Variants in PODN observed in about 807,000 individuals in gnomAD.
PODN encodes podocan, also known as podocan proteoglycan.
PODN carries 40 observed loss-of-function variants against 52.7 expected under a neutral mutation model. That is an observed-to-expected ratio of 0.76 (90% confidence interval 0.59 to 0.99). The LOEUF (loss-of-function observed/expected upper bound fraction) is 0.99. Ranked by LOEUF, PODN falls within the 50% of genes least tolerant of loss-of-function variation. The pLI, the probability that PODN is intolerant of heterozygous loss-of-function variation, is 0.00. For missense variants in PODN, 720 were observed against 815.1 expected, an observed-to-expected ratio of 0.88 and a Z score of 1.42; for synonymous variants, 396 against 377.9, an observed-to-expected ratio of 1.05 and a Z score of -0.56.
intron 4 of PODN, among the ~76,000 whole-genome samples, chr1:53,075,191 G>A (rs1164486580): frequency 6.6e-6 from 1 of 152,196 alleles, no homozygotes; most frequent in Non-Finnish European, 1.5e-5. Flanking sequence ...ATGTCCAGTG[G>A]TTGTCTCCAA....
In PODN at chr1:53,069,969, G is replaced by A. The variant is rs1225657479; in HGVS notation, c.114G>A (p.Leu38=). 6.2e-7 allele frequency: 1 copy of A among 1,606,642 alleles called. No homozygotes were observed. The highest frequency in any genetic ancestry group is 8.5e-7 in the Non-Finnish European group (1 of 1,177,108). Residue 38 remains leucine (L), a synonymous_variant, in exon 2 of 11, where the codon CTG becomes CTA. Coordinates refer to ENST00000312553, the MANE Select transcript of PODN (RefSeq NM_153703.5). ...TTGGCCGAAGTGGCGGCCACAGCCT[G>A]AGCCCCGAAGAGAACGAATTTGCGG... is the stretch of plus-strand genomic sequence containing the variant. The part of the protein sequence containing the change: ...PGFGRSGGHS[L]SPEENEFAEE...
intron 1 of PODN, chr1:53,066,889 G>C (rs966251112): frequency 1.3e-6 from 2 of 1,543,258 alleles, no homozygotes; most frequent in African/African-American, 2.7e-5. Flanking sequence ...GGATATGTGA[G>C]ACCAGAGCTC....
At chr1:53,074,562 C>A in intron 3 of PODN, 44 bp from the exon 4 acceptor site, 1 of 1,609,070 alleles carries the variant, frequency 6.2e-7, no homozygotes, top group Non-Finnish European at 8.5e-7. Context: ...TTCCCTGTGG[C>A]GTCTCCTCCA....
In PODN at chr1:53,080,887, A is replaced by T. The variant is rs377101897; in HGVS notation, c.1661+11A>T. 9 of 1,613,258 alleles carry T rather than the reference A, an allele frequency of 5.6e-6. No homozygotes were observed. The highest frequency in any genetic ancestry group is 6.8e-6 in the Non-Finnish European group (8 of 1,179,896). ...GGGGATCTTTCTCAGGTAGGAGCCCACTCGCGGCCCTGTACACACCCCCGT... is the reference window on the plus strand; with the variant it reads ...GGGGATCTTTCTCAGGTAGGAGCCCTCTCGCGGCCCTGTACACACCCCCGT... On this transcript the variant is annotated intron_variant, in intron 9 of 10. Coordinates refer to ENST00000312553, the MANE Select transcript of PODN (RefSeq NM_153703.5).
At position 53,069,928 on chromosome 1, in the gene PODN, G is replaced by GGTCC; in HGVS notation, c.73_74insGTCC (p.Val25GlyfsTer34). On this transcript the variant is annotated frameshift_variant, in exon 2 of 11. Transcript: ENST00000312553. LOFTEE classifies it high-confidence loss of function. ...GCTGCACCTGGGACCTGTGCTTGCC[G>GGTCC]TGAGGGCCCCAGGATTTGGCCGAAG... 1 of 1,581,750 alleles carries GGTCC rather than the reference G, an allele frequency of 6.3e-7. No individual in the cohort carries two copies. The highest frequency in any genetic ancestry group is 8.6e-7 in the Non-Finnish European group (1 of 1,164,354).
In PODN at chr1:53,078,350, C is replaced by A. The variant is rs199647870; in HGVS notation, c.855-15C>A. ...TGGGCTCTTGCCAACCGTCCTAATT[C>A]CCTCCCTGCCCCAGGAAGCTCTCCA... On this transcript the variant is annotated splice_polypyrimidine_tract_variant and intron_variant, in intron 7 of 10. Coordinates refer to ENST00000312553, the MANE Select transcript of PODN (RefSeq NM_153703.5). 4.4e-6 allele frequency: 7 copies of A among 1,602,096 alleles called. No homozygotes were observed. The South Asian group carries it at 7.8e-5, about 18-fold the overall frequency.
chr1:53,076,774 T>G (rs1644200451), intron 5 of PODN, among the ~76,000 whole-genome samples: 1 of 152,126 alleles, frequency 6.6e-6, no homozygotes, highest in Admixed American at 6.5e-5. Flanking sequence ...GTGCTGGCAC[T>G]AGGGCCAAAG....
At position 53,077,774 on chromosome 1, in the gene PODN, C is replaced by T. The variant is rs138799538; in HGVS notation, c.828C>T (p.Asp276=). The T allele has an allele frequency of 9.7e-5, 157 of 1,613,600 alleles. No individual in the cohort carries two copies. The highest frequency in any genetic ancestry group is 3.3e-4 in the Middle Eastern group (2 of 6,060). ...ELYLQNNYLT[D]EGLDNETFWK... is the part of the protein sequence containing the mutation. ...ACCTGCAGAACAACTACCTGACTGA[C>T]GAGGGCCTGGACAACGAGACCTTCT... Residue 276 remains aspartate (D), a synonymous_variant, in exon 7 of 11, where the codon GAC becomes GAT. Coordinates refer to ENST00000312553, the MANE Select transcript of PODN (RefSeq NM_153703.5).
chr1:53,069,067 G>A (rs769506797), intron 1 of PODN, among the ~76,000 whole-genome samples: 3 of 152,114 alleles, frequency 2.0e-5, no homozygotes, highest in African/African-American at 4.8e-5. Context: ...ACAGAGAGTT[G>A]CTCACAGCTC....
chr1:53,082,989 A>G (rs770779343), intron 10 of PODN, among the ~76,000 whole-genome samples: 6 of 152,204 alleles, frequency 3.9e-5, no homozygotes, highest in Non-Finnish European at 7.4e-5. Context: ...AGGCCTGTCT[A>G]GAAGTGGGGA....
intron 1 of PODN, among the ~76,000 whole-genome samples, chr1:53,062,547 G>C (rs1643973291): frequency 6.6e-6 from 1 of 152,198 alleles, no homozygotes; most frequent in Admixed American, 6.5e-5. Flanking sequence ...GCAGAGGCTG[G>C]TCCCCGTCCC....
Position 53,074,622 on chromosome 1 carries a change from G to C in PODN, c.423G>C (p.Ala141=). The C allele has an allele frequency of 6.2e-7, 1 of 1,614,076 alleles. No individual in the cohort carries two copies. The highest frequency in any genetic ancestry group is 8.5e-7 in the Non-Finnish European group (1 of 1,180,008). ...RLTSRGLPEK[A]FEHLTNLNYL... ...CCTTTGAAGGGCTCCCAGAGAAGGC[G>C]TTTGAGCATCTGACCAACCTCAATT... Residue 141 remains alanine, a synonymous_variant, in exon 4 of 11, where the codon GCG becomes GCC. Transcript: ENST00000312553.
chr1:53,062,280 G>C lies in PODN; in HGVS notation c.-84G>C. 2 of 1,264,990 alleles carry C rather than the reference G, an allele frequency of 1.6e-6. No homozygotes were observed. Among genetic ancestry groups the C allele is most frequent in the Admixed American group, 4.0e-5 (1 of 24,796 alleles). The allele number at this position is 1,264,990 out of a possible 1,614,324, so 78.4% of individuals were successfully genotyped here. On this transcript the variant is annotated 5_prime_UTR_variant, in exon 1 of 11. Coordinates refer to ENST00000312553, the MANE Select transcript of PODN (RefSeq NM_153703.5). ...ACTGGGGGAGCGCGTTCGGCCTGTG[G>C]GGCGCCGCTCGGCGCCGGGGCGCAG...
rs138433665 is a variant in PODN, at chr1:53,078,842, G to T, written c.1332G>T (p.Thr444=). Residue 444 remains threonine (T), a synonymous_variant, in exon 8 of 11, where the codon ACG becomes ACT. Coordinates refer to ENST00000312553, the MANE Select transcript of PODN (RefSeq NM_153703.5). ...ACCTGTCGGGCAACCGGCTGCACACGCTGCCACCTGGGCTGCCTCGAAATG... is the reference window on the plus strand; with the variant it reads ...ACCTGTCGGGCAACCGGCTGCACACTCTGCCACCTGGGCTGCCTCGAAATG... The part of the protein sequence containing the change: ...SLDLSGNRLH[T]LPPGLPRNVH... 6.2e-6 allele frequency: 10 copies of T among 1,612,738 alleles called. No homozygotes were observed. The highest frequency in any genetic ancestry group is 8.5e-6 in the Non-Finnish European group (10 of 1,179,668).
At chr1:53,079,079 G>T in intron 8 of PODN, 57 bp downstream of exon 8, 1 of 1,453,324 alleles carries the variant, frequency 6.9e-7, no homozygotes, top group Admixed American at 2.5e-5. Flanking sequence ...TGGCATGGCT[G>T]CCCTGAGCCC....
Position 53,078,630 on chromosome 1 carries a change from G to T in PODN, c.1120G>T (p.Val374Leu). ...VHLYNNALERVPSGLPRRVRT... is the reference protein window; with the variant it reads ...VHLYNNALERLPSGLPRRVRT... ...CCTGTACAACAACGCGCTGGAGCGCGTGCCCAGTGGCCTGCCTCGCCGCGT... is the reference window on the plus strand; with the variant it reads ...CCTGTACAACAACGCGCTGGAGCGCTTGCCCAGTGGCCTGCCTCGCCGCGT... Residue 374 changes from valine (V) to leucine (L), a missense_variant, in exon 8 of 11, where the codon GTG becomes TTG. Coordinates refer to ENST00000312553, the MANE Select transcript of PODN (RefSeq NM_153703.5). 1 of 1,613,006 alleles carries T rather than the reference G, an allele frequency of 6.2e-7. No individual in the cohort carries two copies. Among genetic ancestry groups the T allele is most frequent in the Non-Finnish European group, 8.5e-7 (1 of 1,179,968 alleles).
At chr1:53,070,434 T>C (rs371027207) in intron 2 of PODN, among the ~76,000 whole-genome samples, 24 of 152,180 alleles carry the variant, frequency 1.6e-4, no homozygotes, top group African/African-American at 5.8e-4. Context: ...CTGGGCCCAG[T>C]AAGTCGAGCC....
rs750678031 is a variant in PODN at position 53,082,114 on chromosome 1, AAGGAGGAGGAGGAAGAGG to A, written c.1815_1832del (p.Glu606_Glu611del). On this transcript the variant is annotated inframe_deletion, in exon 10 of 11. Coordinates refer to ENST00000312553, the MANE Select transcript of PODN (RefSeq NM_153703.5). ...GGACCGTGGCCGCTTGGGGAAGGAA[AAGGAGGAGGAGGAAGAGG>A]AGGAGGAGGAGGAAGAGGAAACAAG... The A allele has an allele frequency of 9.9e-6, 16 of 1,613,424 alleles. No homozygotes were observed. Among genetic ancestry groups the A allele is most frequent in the South Asian group, 2.2e-5 (2 of 90,816 alleles).
At chr1:53,082,533 G>A (rs763994293) in intron 10 of PODN, among the ~76,000 whole-genome samples, 4 of 152,190 alleles carry the variant, frequency 2.6e-5, no homozygotes, top group Non-Finnish European at 4.4e-5. Context: ...GCTGCAGGGG[G>A]CTGGGGAAGC....
Sources: gnomAD v4.1 joint callset for allele counts (sites outside exome capture counted in the v4.1 genomes callset) on GRCh38, gnomAD v4.1.1 for gene constraint, MANE v1.5 for transcripts, NCBI Gene and HGNC (gene_info 2026-07-23, HGNC 2026-07-21) for gene names.